The following SPIRE1 variants were observed in gnomAD, a reference collection of about 807,000 sequenced individuals.
The protein encoded by SPIRE1 is spire type actin nucleation factor 1, also known as protein spire homolog 1.
A neutral mutation model predicts 94.1 loss-of-function variants in SPIRE1; 40 were observed. The ratio of observed to expected loss-of-function variants is 0.43; its 90% CI spans 0.33 to 0.55. The LOEUF is 0.55. Ranked by LOEUF, SPIRE1 falls within the 20% of genes least tolerant of loss-of-function variation. The probability of loss-of-function intolerance (pLI) is 0.06; values close to 1 mark genes in which losing one functional copy is unlikely to be tolerated. For missense variants in SPIRE1, 838 were observed against 975.2 expected (o/e 0.86, Z 1.87); for synonymous variants, 376 against 371.7 (o/e 1.01, Z -0.13).
At chr18:12,597,860 TG>T (rs905308911) in intron 2 of SPIRE1, among the ~76,000 whole-genome samples, 2 of 152,154 alleles carry the variant, frequency 1.3e-5, no homozygotes, top group Non-Finnish European at 2.9e-5. Flanking sequence ...ACTGCATAGC[TG>T]GGTGTGTAGG....
chr18:12,554,750 T>C (rs1451767608), intron 2 of SPIRE1, among the ~76,000 whole-genome samples: 1 of 152,202 alleles, frequency 6.6e-6, no homozygotes, highest in African/African-American at 2.4e-5. Flanking sequence ...AATAAAGTAC[T>C]AGCAAATCAA....
At chr18:12,593,326 T>C (rs531943422) in intron 2 of SPIRE1, among the ~76,000 whole-genome samples, 2 of 152,322 alleles carry the variant, frequency 1.3e-5, no homozygotes, top group South Asian at 4.2e-4. Context: ...GACCAATTCA[T>C]TTGATAATGC....
In SPIRE1 at chr18:12,540,491, T is replaced by A. The variant is rs1007288946; in HGVS notation, c.604-4890A>T. ...CCCAGGTTCAAGCGATTCTCCTGCC[T>A]CAGCCTCCCAAGTAGCTGGGATTAC... On this transcript the variant is annotated intron_variant, in intron 3 of 16. Coordinates refer to ENST00000409402, the MANE Select transcript of SPIRE1 (RefSeq NM_001128626.2). 3.3e-5 allele frequency among the ~76,000 whole-genome samples: 5 copies of A among 152,188 alleles called. No homozygotes were observed. In the East Asian group the frequency reaches 9.6e-4, roughly 29 times the overall value.
At chr18:12,613,645 A>T (rs1046501052) in intron 2 of SPIRE1, among the ~76,000 whole-genome samples, 2 of 152,226 alleles carry the variant, frequency 1.3e-5, no homozygotes, top group Non-Finnish European at 2.9e-5. Flanking sequence ...CACACCTGTA[A>T]TCCCAGCACT....
chr18:12,622,110 G>A (rs773229311), intron 2 of SPIRE1, among the ~76,000 whole-genome samples: 9 of 152,030 alleles, frequency 5.9e-5, no homozygotes, highest in Non-Finnish European at 8.8e-5. Flanking sequence ...TTCTCTCCAC[G>A]TCACAGGCCA....
At chr18:12,453,372 T>A (rs2031339113) in intron 13 of SPIRE1, among the ~76,000 whole-genome samples, 1 of 152,024 alleles carries the variant, frequency 6.6e-6, no homozygotes, top group South Asian at 2.1e-4. Context: ...CTTAAGTGTC[T>A]CCTCATCATG....
intron 2 of SPIRE1, among the ~76,000 whole-genome samples, chr18:12,625,256 A>G (rs2037589649): frequency 6.6e-6 from 1 of 152,220 alleles, no homozygotes; most frequent in South Asian, 2.1e-4. Flanking sequence ...GAGGACGTAC[A>G]AACTGATTTC....
In SPIRE1 at chr18:12,452,294, G is replaced by A. The variant is rs766515157; in HGVS notation, c.1973C>T (p.Pro658Leu). ...AAGTGGCCGATGATGGGCAGTGGAG[G>A]GTTTTTCTGACCTCATACTACTTTC... ...RGESSMRSEK[P>L]STAHHRPLRS... Residue 658 changes from proline (P) to leucine (L), a missense_variant, in exon 16 of 17, where the codon CCC becomes CTC. Transcript: ENST00000409402. 1 of 1,614,122 alleles carries A rather than the reference G, an allele frequency of 6.2e-7. No homozygotes were observed. Among genetic ancestry groups the A allele is most frequent in the Non-Finnish European group, 8.5e-7 (1 of 1,180,042 alleles).
intron 6 of SPIRE1, among the ~76,000 whole-genome samples, chr18:12,503,735 T>C (rs910216343): frequency 8.3e-6 from 1 of 120,538 alleles, no homozygotes; most frequent in African/African-American, 3.3e-5. Context: ...ACATAGAAAG[T>C]CCTTAACACA....
At chr18:12,546,192 T>C (rs866714340) in intron 3 of SPIRE1, among the ~76,000 whole-genome samples, 1 of 152,162 alleles carries the variant, frequency 6.6e-6, no homozygotes, top group African/African-American at 2.4e-5. Flanking sequence ...GGTTTGACCG[T>C]GTTAGCCAGG....
chr18:12,455,534 T>C (rs2031468108), intron 12 of SPIRE1, among the ~76,000 whole-genome samples: 1 of 152,234 alleles, frequency 6.6e-6, no homozygotes, highest in South Asian at 2.1e-4. Context: ...ATATTTATGT[T>C]GGCTGTCTTG....
intron 2 of SPIRE1, among the ~76,000 whole-genome samples, chr18:12,586,071 C>T (rs1000776857): frequency 6.6e-6 from 1 of 152,210 alleles, no homozygotes; most frequent in African/African-American, 2.4e-5. Flanking sequence ...CCACTTCAGC[C>T]TCCCAAGTAG....
At chr18:12,539,179 C>A (rs960341420) in intron 3 of SPIRE1, among the ~76,000 whole-genome samples, 6 of 152,166 alleles carry the variant, frequency 3.9e-5, no homozygotes, top group African/African-American at 1.4e-4. Context: ...GGCTGTGTCC[C>A]CACCCAAATC....
intron 2 of SPIRE1, among the ~76,000 whole-genome samples, chr18:12,621,959 A>G (rs748623971): frequency 1.2e-4 from 18 of 152,234 alleles, no homozygotes; most frequent in Non-Finnish European, 2.5e-4. Flanking sequence ...CCTTATTTTA[A>G]TATCTGCTAA....
intron 6 of SPIRE1, 54 bp downstream of exon 6, chr18:12,506,423 T>G (rs1435613958): frequency 7.8e-6 from 12 of 1,537,748 alleles, no homozygotes; most frequent in Non-Finnish European, 1.1e-5. Flanking sequence ...CCTCCCAAAG[T>G]GCTGGGATTA....
intron 16 of SPIRE1, chr18:12,450,497 CT>C: frequency 2.1e-5 from 12 of 560,808 alleles, no homozygotes; most frequent in South Asian, 3.7e-5. Context: ...CTGCTTATGC[CT>C]TTTTGTGCAG....
rs1449625990 is a variant in SPIRE1, at chr18:12,447,136, TG to T, written c.*2501del. On this transcript the variant is annotated 3_prime_UTR_variant, in exon 17 of 17. Coordinates refer to ENST00000409402, the MANE Select transcript of SPIRE1 (RefSeq NM_001128626.2). ...CCCAATAGTGTGACTTCATGACGTA[TG>T]GGACAAAAGGAACCGGTGCTCAGGC... 3.9e-5 allele frequency: 6 copies of T among 152,118 alleles called. No homozygotes were observed. Among genetic ancestry groups the T allele is most frequent in the African/African-American group, 1.4e-4 (6 of 41,412 alleles). 9.4% of individuals were successfully genotyped at this position (152,118 alleles called of 1,614,324 possible). A position where few individuals can be genotyped will look rare whatever the true frequency, so the allele number is the denominator to read the frequency against.
Position 12,566,205 on chromosome 18 carries a change from G to A in SPIRE1, c.373-19301C>T, listed in dbSNP as rs1043463316. On this transcript the variant is annotated intron_variant, in intron 2 of 16. Coordinates refer to ENST00000409402, the MANE Select transcript of SPIRE1 (RefSeq NM_001128626.2). Reference sequence around the variant, plus strand: ...ACAAAAATTAGCTGGGCATGGTGGTGCATGCCTGTAATCCCAGCTACACGG... The same window carrying A: ...ACAAAAATTAGCTGGGCATGGTGGTACATGCCTGTAATCCCAGCTACACGG... Among the ~76,000 whole-genome samples the A allele has an allele frequency of 6.6e-5, 10 of 151,828 alleles. No homozygotes were observed. The South Asian group carries it at 1.0e-3, about 16-fold the overall frequency.
chr18:12,643,043 A>G (rs559734099), intron 1 of SPIRE1, among the ~76,000 whole-genome samples: 1 of 152,198 alleles, frequency 6.6e-6, no homozygotes, highest in Non-Finnish European at 1.5e-5. Context: ...TACAAAACTC[A>G]TTACAAAAAG....
Sources: allele counts gnomAD v4.1 joint callset (sites outside exome capture counted in the v4.1 genomes callset), GRCh38; gene constraint gnomAD v4.1.1; transcripts MANE v1.5; gene names NCBI Gene and HGNC (gene_info 2026-07-23, HGNC 2026-07-21).